Variants in RBFOX1 observed in about 807,000 individuals in gnomAD.
RBFOX1 encodes the protein RNA binding protein fox-1 homolog 1.
In RBFOX1, 8 loss-of-function variants were observed where a neutral mutation model predicts 57.7. The observed-to-expected ratio is 0.14, with a 90% CI of 0.08 to 0.25. The LOEUF is 0.25. Ranked by LOEUF, RBFOX1 falls within the 10% of genes least tolerant of loss-of-function variation. The pLI is 1.00. For synonymous variants in RBFOX1, 326 were observed against 222.4 expected, an observed-to-expected ratio of 1.47 and a Z score of -4.15; for missense variants, 611 against 548.5, an observed-to-expected ratio of 1.11 and a Z score of -1.14.
chr16:5,390,710 A>G (rs905871943), intron 1 of RBFOX1, among the ~76,000 whole-genome samples: 2 of 152,142 alleles, frequency 1.3e-5, no homozygotes, highest in African/African-American at 4.8e-5. Flanking sequence ...CATCTCCAGG[A>G]TGACCCACAC....
At chr16:6,669,119 C>G (rs780084138) in intron 3 of RBFOX1, among the ~76,000 whole-genome samples, 1 of 152,176 alleles carries the variant, frequency 6.6e-6, no homozygotes, top group Non-Finnish European at 1.5e-5. Context: ...CATGGTTCAG[C>G]TGAAATTTTC....
At chr16:7,145,342 T>C (rs2074729944) in intron 4 of RBFOX1, among the ~76,000 whole-genome samples, 1 of 152,098 alleles carries the variant, frequency 6.6e-6, no homozygotes, top group African/African-American at 2.4e-5. Flanking sequence ...TTAGCTGGGA[T>C]TGCAGGCATG....
At chr16:6,635,846 T>C (rs12922760) in intron 2 of RBFOX1, among the ~76,000 whole-genome samples, 11,354 of 152,234 alleles carry the variant, frequency 0.075, 469 homozygotes, top group Non-Finnish European at 0.092. Context: ...AGTCTGACTA[T>C]TCCTTTTATT....
At chr16:5,906,632 C>T (rs934538760) in intron 4 of RBFOX1, among the ~76,000 whole-genome samples, 4 of 149,838 alleles carry the variant, frequency 2.7e-5, no homozygotes, top group Admixed American at 6.7e-5. Flanking sequence ...GACTGGGAGT[C>T]GGGACATGTG....
In RBFOX1 at chr16:6,951,114, C is replaced by G. The variant is rs189115501; in HGVS notation, c.-15-100943C>G. ...TAGAGACAGGGACTCCCTATGTTGC[C>G]CAGGCTGGTCTTAAACTCCTGGACT... On this transcript the variant is annotated intron_variant, in intron 3 of 15. Coordinates refer to ENST00000550418, the MANE Select transcript of RBFOX1 (RefSeq NM_018723.4). 4.4e-3 allele frequency among the ~76,000 whole-genome samples: 675 copies of G among 152,198 alleles called. 3 individuals carry two copies. The highest frequency in any genetic ancestry group is 7.0e-3 in the Non-Finnish European group (474 of 68,014).
intron 2 of RBFOX1, among the ~76,000 whole-genome samples, chr16:5,566,488 TTTTGTC>T (rs1419161856): frequency 2.0e-5 from 3 of 152,018 alleles, no homozygotes; most frequent in African/African-American, 2.4e-5. Flanking sequence ...GGTTGTTATA[TTTTGTC>T]TTTGGTCAGT....
intron 4 of RBFOX1, among the ~76,000 whole-genome samples, chr16:7,059,491 C>T (rs1221246240): frequency 6.6e-6 from 1 of 152,134 alleles, no homozygotes; most frequent in Non-Finnish European, 1.5e-5. Flanking sequence ...TCTCTTATAC[C>T]TCACAGCCTA....
chr16:7,093,216 G>A (rs534402695), intron 4 of RBFOX1, among the ~76,000 whole-genome samples: 5 of 152,232 alleles, frequency 3.3e-5, no homozygotes, highest in African/African-American at 1.2e-4. Flanking sequence ...TCTCAGTTAG[G>A]GGGCTGAGAA....
chr16:6,325,778 A>C (rs960020152), intron 2 of RBFOX1, among the ~76,000 whole-genome samples: 7 of 152,228 alleles, frequency 4.6e-5, no homozygotes, highest in Non-Finnish European at 7.3e-5. Flanking sequence ...AAAGCAAAAA[A>C]ACACAAACTT....
At chr16:6,980,121 C>A (rs555953563) in intron 3 of RBFOX1, among the ~76,000 whole-genome samples, 4 of 152,130 alleles carry the variant, frequency 2.6e-5, no homozygotes, top group South Asian at 2.1e-4. Flanking sequence ...ACAGGCTGGA[C>A]GTATGTCACC....
At chr16:6,478,400 TATATATATATATATATATATATA>T (rs2095308673) in intron 2 of RBFOX1, among the ~76,000 whole-genome samples, 1 of 13,854 alleles carries the variant, frequency 7.2e-5, no homozygotes, top group Non-Finnish European at 1.2e-4. Flanking sequence ...TATATATATA[TATATATATATATATATATATATA>T]TATATATTTT....
intron 11 of RBFOX1, 53 bp downstream of exon 11, chr16:7,630,736 T>A: frequency 1.2e-6 from 2 of 1,608,432 alleles, no homozygotes; most frequent in South Asian, 1.1e-5. Context: ...CTGAGTCCAA[T>A]CACCTTCCCT....
At chr16:7,158,282 G>T (rs1029271040) in intron 4 of RBFOX1, among the ~76,000 whole-genome samples, 3 of 152,052 alleles carry the variant, frequency 2.0e-5, no homozygotes, top group African/African-American at 7.2e-5. Context: ...GAAGGCGGAG[G>T]TTGCAGTGAG....
chr16:5,316,751 CT>C (rs1596496623), intron 1 of RBFOX1, among the ~76,000 whole-genome samples: 1 of 152,204 alleles, frequency 6.6e-6, no homozygotes, highest in Non-Finnish European at 1.5e-5. Context: ...CATCTCTCTT[CT>C]GCTGAAAGGG....
chr16:7,018,925 C>A (rs918741890), intron 3 of RBFOX1, among the ~76,000 whole-genome samples: 1 of 152,030 alleles, frequency 6.6e-6, no homozygotes, highest in Non-Finnish European at 1.5e-5. Context: ...TCAAGACCAG[C>A]CTGGGCAACA....
At chr16:6,844,025 C>G (rs1430429077) in intron 3 of RBFOX1, among the ~76,000 whole-genome samples, 4 of 151,978 alleles carry the variant, frequency 2.6e-5, no homozygotes, top group Non-Finnish European at 4.4e-5. Flanking sequence ...AACCTTTTCC[C>G]AACAATCCAT....
At chr16:6,184,244 G>C (rs538932493) in intron 1 of RBFOX1, among the ~76,000 whole-genome samples, 1 of 152,138 alleles carries the variant, frequency 6.6e-6, no homozygotes, top group Admixed American at 6.5e-5. Flanking sequence ...ATGAGATTTG[G>C]GTGGGGACAC....
chr16:6,049,325 TA>T (rs35012599), intron 1 of RBFOX1, among the ~76,000 whole-genome samples: 98,186 of 151,010 alleles, frequency 0.65, 32,042 homozygotes, highest in Non-Finnish European at 0.68. Context: ...CAGTCTCCTT[TA>T]AAAAAAAAAT....
chr16:5,980,147 T>G (rs149674032), intron 4 of RBFOX1, among the ~76,000 whole-genome samples: 412 of 152,358 alleles, frequency 2.7e-3, no homozygotes, highest in African/African-American at 9.2e-3. Context: ...TTAGCTATCA[T>G]AAACAATTCT....
Sources: allele counts gnomAD v4.1 joint callset (sites outside exome capture counted in the v4.1 genomes callset), GRCh38; gene constraint gnomAD v4.1.1; transcripts MANE v1.5; gene names NCBI Gene and HGNC (gene_info 2026-07-23, HGNC 2026-07-21).